Variants in POM121C observed in about 807,000 individuals in gnomAD.
POM121C encodes the protein nuclear envelope pore membrane protein POM 121C.
Under a neutral mutation model 66.4 loss-of-function variants are expected in POM121C, and 20 were observed. That is an observed-to-expected ratio of 0.30 (90% CI 0.21 to 0.44). POM121C has a LOEUF of 0.44. Among genes scored for constraint, POM121C ranks in the 20% least tolerant of loss-of-function variants. The pLI is 1.00. For missense variants in POM121C, 580 were observed against 1,225.7 expected, an observed-to-expected ratio of 0.47 and a Z score of 7.87; for synonymous variants, 286 against 528.0, an observed-to-expected ratio of 0.54 and a Z score of 6.28.
rs1286719514 is a variant in POM121C, at chr7:75,418,821, C to T, written c.2939G>A (p.Arg980Gln). 2 of 1,611,588 alleles carry T rather than the reference C, an allele frequency of 1.2e-6. No individual in the cohort carries two copies. Among genetic ancestry groups the T allele is most frequent in the Non-Finnish European group, 1.7e-6 (2 of 1,179,716 alleles). Residue 980 changes from arginine (R) to glutamine (Q), a missense_variant, in exon 15 of 15, where the codon CGA becomes CAA. Transcript: ENST00000615331. ...TPGARQRLQA[R>Q]RQHTRKK ...CTACTTTTTGCGGGTGTGCTGCCTTCGGGCCTGCAGTCGCTGTCGAGCCCC... is the reference window on the plus strand; with the variant it reads ...CTACTTTTTGCGGGTGTGCTGCCTTTGGGCCTGCAGTCGCTGTCGAGCCCC...
chr7:75,455,397 C>G (rs1225038488), intron 3 of POM121C, among the ~76,000 whole-genome samples: 8 of 151,792 alleles, frequency 5.3e-5, no homozygotes, highest in African/African-American at 1.9e-4. Context: ...CAGGTTCAAG[C>G]GATTCCCCTG....
intron 3 of POM121C, among the ~76,000 whole-genome samples, chr7:75,444,150 T>C (rs1474885250): frequency 6.9e-5 from 9 of 130,732 alleles, no homozygotes; most frequent in African/African-American, 2.4e-4. Flanking sequence ...CTCAGAGAGA[T>C]GAGAAGAAGG....
intron 5 of POM121C, among the ~76,000 whole-genome samples, chr7:75,440,127 C>T (rs868977143): frequency 2.7e-3 from 374 of 140,214 alleles, no homozygotes; most frequent in African/African-American, 5.9e-3. Flanking sequence ...GTGATCCACC[C>T]GCCTCGGCCT....
At chr7:75,473,910 G>A (rs1207986959) in intron 3 of POM121C, among the ~76,000 whole-genome samples, 3 of 152,036 alleles carry the variant, frequency 2.0e-5, no homozygotes, top group Non-Finnish European at 2.9e-5. Flanking sequence ...GGATGGTCTC[G>A]ATCTCCTGAC....
At chr7:75,432,531 G>C (rs1790222935) in intron 7 of POM121C, among the ~76,000 whole-genome samples, 1 of 152,168 alleles carries the variant, frequency 6.6e-6, no homozygotes, top group Non-Finnish European at 1.5e-5. Flanking sequence ...TAATAAGAAG[G>C]AAAGGAGAAG....
chr7:75,444,322 T>G, intron 3 of POM121C, among the ~76,000 whole-genome samples: 1 of 139,342 alleles, frequency 7.2e-6, no homozygotes, highest in African/African-American at 2.6e-5. Flanking sequence ...AGTAGACTAG[T>G]GGGACAAAAG....
At position 75,468,126 on chromosome 7, in the gene POM121C, TAAAAAAAAAAAAAAAA is replaced by T. The variant is rs368723160; in HGVS notation, c.-152+6562_-152+6577del. ...CAACCTGGGCAACAGAGACTCTGTC[TAAAAAAAAAAAAAAAA>T]AAAAAAAAAAGAAAAGAAAAGAAAA... On this transcript the variant is annotated intron_variant, in intron 3 of 14. Coordinates refer to ENST00000615331, the MANE Select transcript of POM121C (RefSeq NM_001099415.3). Among the ~76,000 whole-genome samples the T allele has an allele frequency of 9.3e-5, 6 of 64,358 alleles. No homozygotes were observed. The South Asian group carries it at 2.5e-3, about 27-fold the overall frequency. 42.2% of individuals were successfully genotyped at this position (64,358 alleles called of 152,430 possible).
At chr7:75,450,272 A>C (rs1790978069) in intron 3 of POM121C, among the ~76,000 whole-genome samples, 1 of 151,726 alleles carries the variant, frequency 6.6e-6, no homozygotes, top group African/African-American at 2.4e-5. Flanking sequence ...CGAGAAGGAA[A>C]GCTGGGGAGA....
intron 7 of POM121C, among the ~76,000 whole-genome samples, chr7:75,433,600 C>A (rs1554472664): frequency 6.6e-6 from 1 of 152,182 alleles, no homozygotes; most frequent in African/African-American, 2.4e-5. Flanking sequence ...ACCTGGTGAT[C>A]TGCCCACCTC....
intron 1 of POM121C, among the ~76,000 whole-genome samples, chr7:75,484,750 C>G (rs1451145621): frequency 1.3e-5 from 2 of 151,422 alleles, no homozygotes; most frequent in African/African-American, 4.8e-5. Flanking sequence ...ATGAGTTAGA[C>G]TCTCATGGGT....
chr7:75,477,104 C>T (rs1839776), intron 1 of POM121C, among the ~76,000 whole-genome samples: 642 of 110,532 alleles, frequency 5.8e-3, no homozygotes, highest in East Asian at 0.025. Flanking sequence ...ATACAGTTTG[C>T]GTGTATACAC....
In POM121C at chr7:75,422,134, T is replaced by C. The variant is rs1554470831; in HGVS notation, c.2118A>G (p.Ala706=). The C allele has an allele frequency of 6.2e-7, 1 of 1,600,612 alleles. No homozygotes were observed. The highest frequency in any genetic ancestry group is 8.5e-7 in the Non-Finnish European group (1 of 1,171,752). ...PSYPGANPQP[A]FGAAEGQPPG... is the part of the protein sequence containing the mutation. ...GTGGCTGCCCCTCAGCGGCCCCAAA[T>C]GCGGGCTGGGGGTTGGCTCCCGGAT... The change falls in exon 13 of 15, where the codon GCA becomes GCG. Residue 706 remains alanine, a synonymous_variant. Coordinates refer to ENST00000615331, the MANE Select transcript of POM121C (RefSeq NM_001099415.3).
intron 3 of POM121C, among the ~76,000 whole-genome samples, chr7:75,466,937 G>T (rs1238433935): frequency 2.6e-5 from 4 of 152,184 alleles, no homozygotes; most frequent in Non-Finnish European, 5.9e-5. Context: ...CACTCAAAAT[G>T]ACAGTCAATG....
chr7:75,455,199 G>A (rs1554476179), intron 3 of POM121C, among the ~76,000 whole-genome samples: 1 of 152,214 alleles, frequency 6.6e-6, no homozygotes, highest in Non-Finnish European at 1.5e-5. Flanking sequence ...TACCACTGAT[G>A]ACACGGACAC....
intron 6 of POM121C, among the ~76,000 whole-genome samples, chr7:75,438,943 T>C (rs782340349): frequency 9.9e-5 from 15 of 152,252 alleles, no homozygotes; most frequent in Non-Finnish European, 4.4e-5. Context: ...ATTTCATCCA[T>C]ATTAATGCAA....
intron 3 of POM121C, among the ~76,000 whole-genome samples, chr7:75,460,225 C>T (rs1304874202): frequency 7.1e-6 from 1 of 139,870 alleles, no homozygotes; most frequent in Admixed American, 6.9e-5. Flanking sequence ...AGTGTGGTAG[C>T]TTATGCCTAT....
chr7:75,482,825 TCAAAGGCAGA>T (rs1384846106), intron 1 of POM121C, among the ~76,000 whole-genome samples: 5 of 152,114 alleles, frequency 3.3e-5, no homozygotes, highest in Non-Finnish European at 7.4e-5. Context: ...GTAACGGATG[TCAAAGGCAGA>T]CAAAGGGTAC....
chr7:75,452,399 A>G (rs201731803), intron 3 of POM121C, among the ~76,000 whole-genome samples: 5 of 152,158 alleles, frequency 3.3e-5, no homozygotes, highest in Non-Finnish European at 7.3e-5. Context: ...GGTGGGAGGC[A>G]GAGGAGGAGC....
intron 1 of POM121C, among the ~76,000 whole-genome samples, chr7:75,481,486 G>A (rs1314446715): frequency 6.6e-6 from 1 of 152,020 alleles, no homozygotes; most frequent in East Asian, 1.9e-4. Context: ...TTTAGAAACT[G>A]TCTTTCCTGC....
Sources: allele counts gnomAD v4.1 joint callset (sites outside exome capture counted in the v4.1 genomes callset), GRCh38; gene constraint gnomAD v4.1.1; transcripts MANE v1.5; gene names NCBI Gene and HGNC (gene_info 2026-07-23, HGNC 2026-07-21).